The following NFASC variants were observed in gnomAD, a reference collection of about 807,000 sequenced individuals.
The protein encoded by NFASC is neurofascin.
In NFASC, 43 loss-of-function variants were observed where a neutral mutation model predicts 147.5. The observed-to-expected ratio is 0.29, with a 90% CI of 0.23 to 0.38. NFASC has a LOEUF of 0.38. Among genes scored for constraint, NFASC ranks in the 10% least tolerant of loss-of-function variants. NFASC has a pLI of 1.00. For synonymous variants in NFASC, 622 were observed against 665.5 expected (o/e 0.93, Z 1.01); for missense variants, 1,320 against 1,689.0 (o/e 0.78, Z 3.83).
intron 1 of NFASC, among the ~76,000 whole-genome samples, chr1:204,863,906 A>G (rs1018710104): frequency 1.3e-5 from 2 of 151,314 alleles, no homozygotes; most frequent in African/African-American, 4.9e-5. Flanking sequence ...AAGGATGGAA[A>G]GAAGAAAGGG....
At chr1:204,963,682 G>A (rs12064768) in intron 8 of NFASC, among the ~76,000 whole-genome samples, 2,992 of 152,310 alleles carry the variant, frequency 0.02, 88 homozygotes, top group African/African-American at 0.067. Context: ...TCAATCCAGG[G>A]TAGGACGGAG....
rs1280037075 is a variant in NFASC, at chr1:204,987,125, C to T, written c.2471-293C>T. On this transcript the variant is annotated intron_variant, in intron 21 of 29. Transcript: ENST00000339876. This position sits in a 1 kb window ranked among gnomAD's most constrained non-coding sequence, Gnocchi z 4.4. ...CGAGGTATCTTTGCAGAATCAGAGCCTAACATGTGCTGAATCCAGAGTAGT... is the reference window on the plus strand; with the variant it reads ...CGAGGTATCTTTGCAGAATCAGAGCTTAACATGTGCTGAATCCAGAGTAGT... The T allele has an allele frequency of 4.5e-6, 2 of 444,846 alleles. No individual in the cohort carries two copies. Among genetic ancestry groups the T allele is most frequent in the Non-Finnish European group, 8.1e-6 (2 of 247,090 alleles). The allele number at this position is 444,846 out of a possible 1,614,324, so 27.6% of individuals were successfully genotyped here. A position where few individuals can be genotyped will look rare whatever the true frequency, so the allele number is the denominator to read the frequency against.
In NFASC at chr1:204,968,628, C is replaced by A; in HGVS notation, c.819-170C>A. The A allele has an allele frequency of 1.5e-6, 1 of 650,076 alleles. No homozygotes were observed. Among genetic ancestry groups the A allele is most frequent in the Non-Finnish European group, 2.6e-6 (1 of 381,590 alleles). 40.3% of individuals were successfully genotyped at this position (650,076 alleles called of 1,614,324 possible). A position where few individuals can be genotyped will look rare whatever the true frequency, so the allele number is the denominator to read the frequency against. On this transcript the variant is annotated intron_variant, in intron 9 of 29. Transcript: ENST00000339876. The surrounding 1 kb of genome is among the most constrained non-coding windows in gnomAD (Gnocchi z 5.4). ...GTGGGACCTTAGCTAAGCCTTCAGGCTCTCTGTGGCTGAGCATCCTCCTCT... is the reference window on the plus strand; with the variant it reads ...GTGGGACCTTAGCTAAGCCTTCAGGATCTCTGTGGCTGAGCATCCTCCTCT...
rs79130984 is a variant in NFASC at position 204,944,230 on chromosome 1, G to T, written c.-86G>T. On this transcript the variant is annotated 5_prime_UTR_variant, in exon 3 of 30. Transcript: ENST00000339876. ...CTCTTATGTTTCTTTCCACAGCTGA[G>T]TGCTGTCCAGGAGGCCCAGTTAAAG... 3.5e-3 allele frequency: 5,472 copies of T among 1,565,818 alleles called. 201 individuals are homozygous for T. In the Admixed American group the frequency reaches 0.058, roughly 17 times the overall value.
chr1:204,851,732 A>G (rs576571143), intron 1 of NFASC, among the ~76,000 whole-genome samples: 2 of 152,240 alleles, frequency 1.3e-5, no homozygotes, highest in African/African-American at 4.8e-5. Flanking sequence ...TGCATATAAC[A>G]ATCAACATTA....
rs1386715341 is a variant in NFASC, at chr1:204,989,048, T to G, written c.2767+242T>G. On this transcript the variant is annotated intron_variant, in intron 23 of 29. Transcript: ENST00000339876. Reference sequence around the variant, plus strand: ...TGGGTCCCCACTTGCCCTGACTTGCTCAGTCACTTGACATCTATCATCTTT... The same window carrying G: ...TGGGTCCCCACTTGCCCTGACTTGCGCAGTCACTTGACATCTATCATCTTT... 7.1e-6 allele frequency: 4 copies of G among 560,956 alleles called. No homozygotes were observed. In the East Asian group the frequency reaches 1.2e-4, roughly 17 times the overall value. 34.7% of individuals were successfully genotyped at this position (560,956 alleles called of 1,614,324 possible).
At chr1:204,924,247 T>C (rs1202205716) in intron 2 of NFASC, among the ~76,000 whole-genome samples, 1 of 152,096 alleles carries the variant, frequency 6.6e-6, no homozygotes, top group Non-Finnish European at 1.5e-5. Flanking sequence ...AGGATAGCAG[T>C]TGGATCCAGA....
In NFASC at chr1:204,981,683, G is replaced by A. The variant is rs1574095146; in HGVS notation, c.2248-115G>A. The A allele has an allele frequency of 4.8e-6, 3 of 622,202 alleles. No homozygotes were observed. The East Asian group carries it at 9.7e-5, about 20-fold the overall frequency. 38.5% of individuals were successfully genotyped at this position (622,202 alleles called of 1,614,324 possible). ...GTCTTCCCTACCCTGCAAGGGGGCA[G>A]GCCAGTGTTGGGCACATCTGGAAGG... On this transcript the variant is annotated intron_variant, in intron 20 of 29. Coordinates refer to ENST00000339876, the MANE Select transcript of NFASC (RefSeq NM_001005388.3).
intron 3 of NFASC, 130 bp downstream of exon 3, chr1:204,944,536 G>A: frequency 1.3e-6 from 1 of 759,418 alleles, no homozygotes; most frequent in Non-Finnish European, 2.1e-6. Flanking sequence ...TGGATTCTGA[G>A]ATTCAGAGCT....
rs2096358531 is a variant in NFASC, at chr1:205,016,191, G to A, written c.3492-117G>A. The A allele has an allele frequency of 4.1e-6, 3 of 732,410 alleles. No individual in the cohort carries two copies. The highest frequency in any genetic ancestry group is 4.9e-5 in the East Asian group (2 of 40,692). 45.4% of individuals were successfully genotyped at this position (732,410 alleles called of 1,614,324 possible). A position where few individuals can be genotyped will look rare whatever the true frequency, so the allele number is the denominator to read the frequency against. On this transcript the variant is annotated intron_variant, in intron 29 of 29. Coordinates refer to ENST00000339876, the MANE Select transcript of NFASC (RefSeq NM_001005388.3). The surrounding 1 kb of genome is among the most constrained non-coding windows in gnomAD (Gnocchi z 5.1). ...CTGGACAGGGGAGGGTGAAGCGGGG[G>A]CTGGACTGGGCGGTCTCCTGGATCC... is the stretch of plus-strand genomic sequence containing the variant.
intron 1 of NFASC, chr1:204,870,681 G>A: frequency 9.3e-7 from 1 of 1,081,020 alleles, no homozygotes; most frequent in Non-Finnish European, 1.1e-6. Flanking sequence ...GAGCGAGTGA[G>A]CAAGCCGGCC....
intron 23 of NFASC, 98 bp downstream of exon 23, chr1:204,988,904 G>A: frequency 1.7e-6 from 2 of 1,203,804 alleles, no homozygotes; most frequent in Non-Finnish European, 2.4e-6. Flanking sequence ...GGGATGGAGA[G>A]GAAATGAGAC....
At chr1:204,939,242 C>T (rs1387372037) in intron 2 of NFASC, among the ~76,000 whole-genome samples, 1 of 151,998 alleles carries the variant, frequency 6.6e-6, no homozygotes, top group Non-Finnish European at 1.5e-5. Context: ...GAGCCCTCCT[C>T]TCATGTATTT....
chr1:205,009,365 T>A (rs1166117205), intron 27 of NFASC, 192 bp from the exon 28 acceptor site: 1 of 745,440 alleles, frequency 1.3e-6, no homozygotes, highest in Admixed American at 1.8e-5. Flanking sequence ...TCTGATCTTT[T>A]GACCTTGGCT....
intron 1 of NFASC, among the ~76,000 whole-genome samples, chr1:204,864,160 A>G (rs1011055321): frequency 6.6e-6 from 1 of 152,196 alleles, no homozygotes; most frequent in Non-Finnish European, 1.5e-5. Flanking sequence ...TATTTCACTT[A>G]GCATAATATT....
At chr1:204,915,498 T>C (rs1465421901) in intron 1 of NFASC, among the ~76,000 whole-genome samples, 4 of 152,114 alleles carry the variant, frequency 2.6e-5, no homozygotes, top group Admixed American at 6.5e-5. Flanking sequence ...GGACAGGGTA[T>C]GAGTGGAGCT....
At chr1:204,973,919 G>A (rs1359039874) in intron 12 of NFASC, among the ~76,000 whole-genome samples, 1 of 152,188 alleles carries the variant, frequency 6.6e-6, no homozygotes, top group African/African-American at 2.4e-5. Context: ...GGCAGCTATG[G>A]AACCTGCTGG....
chr1:204,917,950 G>T (rs2089648773), intron 1 of NFASC, among the ~76,000 whole-genome samples: 1 of 152,166 alleles, frequency 6.6e-6, no homozygotes, highest in South Asian at 2.1e-4. Flanking sequence ...ACAGAGCTAG[G>T]AAATGTGCAT....
intron 8 of NFASC, among the ~76,000 whole-genome samples, chr1:204,959,345 C>T (rs528374447): frequency 3.3e-5 from 5 of 152,184 alleles, no homozygotes; most frequent in South Asian, 2.1e-4. Context: ...CCAGTTGCTC[C>T]CCCGTCCCTG....
Sources: gnomAD v4.1 joint callset for allele counts (sites outside exome capture counted in the v4.1 genomes callset) on GRCh38, gnomAD v4.1.1 for gene constraint, Gnocchi (gnomAD v3.1) non-coding constraint, MANE v1.5 for transcripts, NCBI Gene and HGNC (gene_info 2026-07-23, HGNC 2026-07-21) for gene names.